ZNF536: variants seen among roughly 807,000 people sequenced by gnomAD.
ZNF536 encodes the protein zinc finger protein 536.
Under a neutral mutation model 84.5 loss-of-function variants are expected in ZNF536, and 13 were observed. The observed-to-expected ratio is 0.15, with a 90% CI of 0.10 to 0.24. The LOEUF (loss-of-function observed/expected upper bound fraction) is 0.24, where lower values mean the gene tolerates loss of function less well. Ranked by LOEUF, ZNF536 falls within the 10% of genes least tolerant of loss-of-function variation. ZNF536 has a pLI of 1.00. For missense variants in ZNF536, 1,536 were observed against 1,747.5 expected, an observed-to-expected ratio of 0.88 and a Z score of 2.16; for synonymous variants, 811 against 742.5, an observed-to-expected ratio of 1.09 and a Z score of -1.50.
At chr19:30,685,950 A>G (rs931995136) in intron 1 of ZNF536, among the ~76,000 whole-genome samples, 1 of 152,242 alleles carries the variant, frequency 6.6e-6, no homozygotes, top group Non-Finnish European at 1.5e-5. Context: ...ATAATGGAGC[A>G]AGGTAGAAAA....
intron 1 of ZNF536, among the ~76,000 whole-genome samples, chr19:30,432,799 G>C (rs1361725460): frequency 2.0e-5 from 3 of 152,130 alleles, no homozygotes; most frequent in Non-Finnish European, 4.4e-5. Context: ...TTTTGAAGCT[G>C]TTCTCTTGTA....
chr19:30,387,671 C>T (rs1274834579), intron 1 of ZNF536, among the ~76,000 whole-genome samples: 1 of 152,160 alleles, frequency 6.6e-6, no homozygotes, highest in Admixed American at 6.5e-5. Context: ...TTGCTTAATC[C>T]CTGTTTGCAG....
chr19:30,333,616 A>C (rs982641829), intron 2 of ZNF536, among the ~76,000 whole-genome samples: 6 of 152,188 alleles, frequency 3.9e-5, no homozygotes, highest in African/African-American at 1.4e-4. Flanking sequence ...GCAGTGTCCC[A>C]GTGTCTACCT....
intron 2 of ZNF536, among the ~76,000 whole-genome samples, chr19:30,465,900 G>A (rs371439373): frequency 5.3e-5 from 8 of 151,696 alleles, no homozygotes; most frequent in South Asian, 2.1e-4. Context: ...ACAGGCACCC[G>A]CCACCACACC....
At chr19:30,387,097 G>C (rs1431719118) in intron 1 of ZNF536, among the ~76,000 whole-genome samples, 1 of 152,306 alleles carries the variant, frequency 6.6e-6, no homozygotes, top group Admixed American at 6.5e-5. Context: ...ACAGAGAAAA[G>C]GTGTTTGGTC....
intron 1 of ZNF536, among the ~76,000 whole-genome samples, chr19:30,393,433 A>T (rs1310674357): frequency 1.3e-5 from 2 of 152,218 alleles, no homozygotes; most frequent in East Asian, 3.8e-4. Context: ...TAGGATGATG[A>T]GTGAAATAGA....
At position 30,443,623 on chromosome 19, in the gene ZNF536, C is replaced by A. The variant is rs2148146354; in HGVS notation, c.61C>A (p.Leu21Met). The change falls in exon 2 of 5, where the codon CTG (leucine) becomes ATG (methionine). Residue 21 changes from leucine to methionine, a missense_variant. Coordinates refer to ENST00000355537, the MANE Select transcript of ZNF536 (RefSeq NM_014717.3). ...SSAEPEAEPH[L>M]SGPVLNGQYA... The stretch of plus-strand genomic sequence containing the variant: ...GGCGGAGCCGGAAGCTGAGCCCCAC[C>A]TGAGTGGCCCCGTCCTCAACGGCCA... 1 of 1,603,984 alleles carries A rather than the reference C, an allele frequency of 6.2e-7. No homozygotes were observed. Among genetic ancestry groups the A allele is most frequent in the Non-Finnish European group, 8.5e-7 (1 of 1,176,118 alleles).
At chr19:30,613,478 C>T (rs1245898033) in intron 1 of ZNF536, among the ~76,000 whole-genome samples, 1 of 152,126 alleles carries the variant, frequency 6.6e-6, no homozygotes, top group African/African-American at 2.4e-5. Flanking sequence ...TTTGAAAAAT[C>T]AGTGTAGATG....
At chr19:30,574,224 T>G (rs2046650604) in intron 1 of ZNF536, among the ~76,000 whole-genome samples, 1 of 152,352 alleles carries the variant, frequency 6.6e-6, no homozygotes, top group Admixed American at 6.5e-5. Flanking sequence ...AGGCTTCTTT[T>G]GTACCCTAAA....
intron 1 of ZNF536, among the ~76,000 whole-genome samples, chr19:30,388,633 T>C (rs935236978): frequency 4.6e-5 from 7 of 152,220 alleles, no homozygotes; most frequent in African/African-American, 1.7e-4. Context: ...CAAGCCAGTG[T>C]TGTAGGTCTA....
At chr19:30,227,890 C>G (rs1009057179), upstream of ZNF536, among the ~76,000 whole-genome samples, 2 of 150,882 alleles carry the variant, frequency 1.3e-5, no homozygotes, top group African/African-American at 2.4e-5. Flanking sequence ...CGGAGGGGAC[C>G]GGCGGGGATG....
upstream of ZNF536, among the ~76,000 whole-genome samples, chr19:30,369,700 A>G (rs148994323): frequency 3.5e-3 from 532 of 152,330 alleles, 1 homozygote; most frequent in African/African-American, 0.012. Context: ...TGCATAATTG[A>G]ATATTGTTAA....
intron 3 of ZNF536, among the ~76,000 whole-genome samples, chr19:30,352,867 A>G (rs2047977540): frequency 6.6e-6 from 1 of 152,212 alleles, no homozygotes; most frequent in South Asian, 2.1e-4. Context: ...AGGTGCTGCT[A>G]ACATATTCTG....
At chr19:30,236,657 C>A (rs1265153660) in intron 1 of ZNF536, among the ~76,000 whole-genome samples, 1 of 152,036 alleles carries the variant, frequency 6.6e-6, no homozygotes, top group Non-Finnish European at 1.5e-5. Context: ...TGCAAGGTAG[C>A]AATTTTCCCC....
At chr19:30,354,694 A>C (rs977130475) in intron 3 of ZNF536, among the ~76,000 whole-genome samples, 2 of 152,198 alleles carry the variant, frequency 1.3e-5, no homozygotes. Flanking sequence ...CATGAACTGG[A>C]AGGAGGATTG....
chr19:30,637,765 A>G (rs2049124336), intron 1 of ZNF536, among the ~76,000 whole-genome samples: 1 of 152,108 alleles, frequency 6.6e-6, no homozygotes, highest in African/African-American at 2.4e-5. Context: ...TTAGTTTTGC[A>G]CTTACAATAG....
intron 1 of ZNF536, among the ~76,000 whole-genome samples, chr19:30,259,332 G>A (rs76910180): frequency 0.015 from 2,272 of 152,316 alleles, 54 homozygotes; most frequent in African/African-American, 0.052. Context: ...AGGGAGCAGG[G>A]ATGGTTACCA....
At chr19:30,525,289 A>G (rs11668301) in intron 2 of ZNF536, among the ~76,000 whole-genome samples, 14,415 of 152,200 alleles carry the variant, frequency 0.095, 946 homozygotes, top group Non-Finnish European at 0.14. Context: ...CATGCGCTGA[A>G]CACTCTGGAG....
chr19:30,380,029 G>A (rs967463414), intron 1 of ZNF536, among the ~76,000 whole-genome samples: 1 of 152,200 alleles, frequency 6.6e-6, no homozygotes, highest in African/African-American at 2.4e-5. Context: ...GGACTTCTGA[G>A]CCCAGGCCAC....
Sources: gnomAD v4.1 joint callset for allele counts (sites outside exome capture counted in the v4.1 genomes callset) on GRCh38, gnomAD v4.1.1 for gene constraint, MANE v1.5 for transcripts, NCBI Gene and HGNC (gene_info 2026-07-23, HGNC 2026-07-21) for gene names.